Variants in PTPRS observed in about 807,000 individuals in gnomAD.
PTPRS encodes the protein protein tyrosine phosphatase receptor type S, also known as receptor-type tyrosine-protein phosphatase S.
A neutral mutation model predicts 215.3 loss-of-function variants in PTPRS; 63 were observed. That is an observed-to-expected ratio of 0.29 (90% CI 0.24 to 0.36). The LOEUF is 0.36. Among genes scored for constraint, PTPRS ranks in the 10% least tolerant of loss-of-function variants. The pLI, the probability that PTPRS is intolerant of heterozygous loss-of-function variation, is 1.00. For missense variants in PTPRS, 2,258 were observed against 2,825.8 expected (o/e 0.80, Z 4.56); for synonymous variants, 1,404 against 1,191.4 (o/e 1.18, Z -3.68).
chr19:5,255,671 C>A (rs780679818), intron 9 of PTPRS, among the ~76,000 whole-genome samples: 3 of 152,032 alleles, frequency 2.0e-5, no homozygotes, highest in African/African-American at 7.3e-5. Context: ...CAACAGAAGG[C>A]GTTGGGAATT....
intron 9 of PTPRS, among the ~76,000 whole-genome samples, chr19:5,250,034 A>G (rs1420072384): frequency 6.6e-6 from 1 of 152,196 alleles, no homozygotes; most frequent in Non-Finnish European, 1.5e-5. Flanking sequence ...GGTTAACTAT[A>G]AATCAGTTTA....
intron 1 of PTPRS, among the ~76,000 whole-genome samples, chr19:5,331,182 G>A (rs1437231376): frequency 6.7e-6 from 1 of 149,864 alleles, no homozygotes; most frequent in Non-Finnish European, 1.5e-5. Flanking sequence ...CCAGGCTGGA[G>A]TGGAGTGATG....
At chr19:5,235,813 C>CT (rs1338674068) in intron 13 of PTPRS, among the ~76,000 whole-genome samples, 1 of 152,228 alleles carries the variant, frequency 6.6e-6, no homozygotes, top group Non-Finnish European at 1.5e-5. Flanking sequence ...CTGAATAACA[C>CT]TGAGAGTTCC....
Position 5,239,069 on chromosome 19 carries a change from G to C in PTPRS, c.1705-6C>G. On this transcript the variant is annotated splice_polypyrimidine_tract_variant and splice_region_variant and intron_variant, in intron 12 of 37. Coordinates refer to ENST00000262963, the MANE Select transcript of PTPRS (RefSeq NM_002850.4). ...GGGTCGAAGGTCCTTCCCACCTGGG[G>C]GCAGGGCAGAGAAGGACAGAGAGGG... 2.5e-6 allele frequency: 4 copies of C among 1,611,500 alleles called. No homozygotes were observed. The highest frequency in any genetic ancestry group is 3.4e-6 in the Non-Finnish European group (4 of 1,178,808).
chr19:5,267,069 A>G (rs2046455901), intron 4 of PTPRS, among the ~76,000 whole-genome samples: 1 of 152,154 alleles, frequency 6.6e-6, no homozygotes, highest in Admixed American at 6.5e-5. Flanking sequence ...CAATCAATGA[A>G]CAAACAACTC....
In PTPRS at chr19:5,286,226, G is replaced by C. The variant is rs1430878268; in HGVS notation, c.-86C>G. 1 of 1,441,954 alleles carries C rather than the reference G, an allele frequency of 6.9e-7. No individual in the cohort carries two copies. Among genetic ancestry groups the C allele is most frequent in the African/African-American group, 1.4e-5 (1 of 71,164 alleles). The allele number at this position is 1,441,954 out of a possible 1,614,324, so 89.3% of individuals were successfully genotyped here. A position where few individuals can be genotyped will look rare whatever the true frequency, so the allele number is the denominator to read the frequency against. On this transcript the variant is annotated 5_prime_UTR_variant, in exon 2 of 38. Coordinates refer to ENST00000262963, the MANE Select transcript of PTPRS (RefSeq NM_002850.4). The stretch of plus-strand genomic sequence containing the variant: ...GAGGCCTCGAGCCGAGCGTCAGATG[G>C]GGCAACGTCTGCAGAGACAATGGAG...
Position 5,210,916 on chromosome 19 carries a change from C to A in PTPRS, c.5235-111G>T. ...AAGCCAGTGACAGCTACACCTACCA[C>A]CCCACTGCCTGCCAGGAATGGCTGC... On this transcript the variant is annotated intron_variant, in intron 33 of 37. Coordinates refer to ENST00000262963, the MANE Select transcript of PTPRS (RefSeq NM_002850.4). The surrounding 1 kb of genome is among the most constrained non-coding windows in gnomAD (Gnocchi z 4.5). The A allele has an allele frequency of 7.2e-7, 1 of 1,398,588 alleles. No homozygotes were observed. The highest frequency in any genetic ancestry group is 9.5e-7 in the Non-Finnish European group (1 of 1,049,830). The allele number at this position is 1,398,588 out of a possible 1,614,324, so 86.6% of individuals were successfully genotyped here. A position where few individuals can be genotyped will look rare whatever the true frequency, so the allele number is the denominator to read the frequency against.
chr19:5,288,747 G>C (rs2048569596), intron 1 of PTPRS, among the ~76,000 whole-genome samples: 1 of 152,212 alleles, frequency 6.6e-6, no homozygotes, highest in South Asian at 2.1e-4. Flanking sequence ...AGAGAGCCCA[G>C]GTGGGGCACA....
At chr19:5,229,851 A>C (rs2042869585) in intron 14 of PTPRS, among the ~76,000 whole-genome samples, 167 bp from the exon 15 acceptor site, 4 of 147,736 alleles carry the variant, frequency 2.7e-5, no homozygotes, top group African/African-American at 2.5e-5. Flanking sequence ...CCTCCTGCAC[A>C]CCCCCCACAG....
At chr19:5,277,837 T>G (rs1277346467) in intron 2 of PTPRS, 5 of 799,314 alleles carry the variant, frequency 6.3e-6, no homozygotes, top group Non-Finnish European at 1.1e-5. Context: ...AAGCGTTAAC[T>G]GGGGGAAACC....
At chr19:5,340,092 G>T (rs1260644895) in intron 1 of PTPRS, among the ~76,000 whole-genome samples, 1 of 151,856 alleles carries the variant, frequency 6.6e-6, no homozygotes, top group Non-Finnish European at 1.5e-5. Context: ...AGGGAGACCC[G>T]GAGAGGGAAG....
chr19:5,289,914 GC>G (rs1189691928), intron 1 of PTPRS, among the ~76,000 whole-genome samples: 1 of 152,202 alleles, frequency 6.6e-6, no homozygotes, highest in Non-Finnish European at 1.5e-5. Flanking sequence ...CCAGGTTGGT[GC>G]CAGGCCAACC....
intron 2 of PTPRS, among the ~76,000 whole-genome samples, chr19:5,278,421 G>T (rs748033771): frequency 8.5e-5 from 13 of 152,054 alleles, no homozygotes; most frequent in Non-Finnish European, 1.8e-4. Context: ...GCCCAGGCTG[G>T]TCTCAAACTC....
At chr19:5,220,555 A>G (rs1246896413) in intron 20 of PTPRS, among the ~76,000 whole-genome samples, 2 of 152,226 alleles carry the variant, frequency 1.3e-5, no homozygotes, top group Non-Finnish European at 2.9e-5. Context: ...CTTTCTGCGT[A>G]GAAGGCTTAC....
intron 1 of PTPRS, among the ~76,000 whole-genome samples, chr19:5,323,642 G>A (rs1426300632): frequency 6.6e-6 from 1 of 152,270 alleles, no homozygotes; most frequent in Non-Finnish European, 1.5e-5. Flanking sequence ...CGTGTGGCTG[G>A]AACAGAGTGA....
intron 33 of PTPRS, 77 bp downstream of exon 33, chr19:5,211,513 C>T: frequency 1.4e-6 from 2 of 1,454,212 alleles, no homozygotes; most frequent in Non-Finnish European, 1.9e-6. Context: ...GCTCTGTCTC[C>T]CACAAGACTG....
chr19:5,279,718 T>G (rs1568554410), intron 2 of PTPRS, among the ~76,000 whole-genome samples: 1 of 152,036 alleles, frequency 6.6e-6, no homozygotes, highest in Non-Finnish European at 1.5e-5. Context: ...AGTCTCACTG[T>G]GTCACCCAGG....
intron 4 of PTPRS, among the ~76,000 whole-genome samples, chr19:5,267,421 A>C (rs1405312674): frequency 6.6e-6 from 1 of 151,876 alleles, no homozygotes; most frequent in Non-Finnish European, 1.5e-5. Context: ...CTTTGGGAGG[A>C]CGAAGCAGGT....
chr19:5,242,542 AT>A (rs756611742), intron 11 of PTPRS, among the ~76,000 whole-genome samples: 556 of 132,794 alleles, frequency 4.2e-3, no homozygotes, highest in Admixed American at 5.5e-3. Context: ...TAATTTTTGT[AT>A]TTTTTTTTTT....
Sources: allele counts gnomAD v4.1 joint callset (sites outside exome capture counted in the v4.1 genomes callset), GRCh38; gene constraint gnomAD v4.1.1; non-coding constraint Gnocchi (gnomAD v3.1); transcripts MANE v1.5; gene names NCBI Gene and HGNC (gene_info 2026-07-23, HGNC 2026-07-21).